IL12RB1: variants seen among roughly 807,000 people sequenced by gnomAD.
The protein encoded by IL12RB1 is interleukin 12 receptor subunit beta 1.
A neutral mutation model predicts 94.4 loss-of-function variants in IL12RB1; 64 were observed. That is an observed-to-expected ratio of 0.68 (90% CI 0.55 to 0.83). IL12RB1 has a LOEUF of 0.83. Ranked by LOEUF, IL12RB1 falls within the 40% of genes least tolerant of loss-of-function variation. The pLI is 0.00. For synonymous variants in IL12RB1, 362 were observed against 355.5 expected, an observed-to-expected ratio of 1.02 and a Z score of -0.21; for missense variants, 814 against 855.6, an observed-to-expected ratio of 0.95 and a Z score of 0.61.
upstream of IL12RB1, among the ~76,000 whole-genome samples, chr19:18,088,444 T>C (rs1314333765): frequency 6.9e-6 from 1 of 145,628 alleles, no homozygotes; most frequent in Non-Finnish European, 1.5e-5. Flanking sequence ...CACATCTGTA[T>C]TCTCAGCTAC....
chr19:18,097,845 G>C, intron 1 of IL12RB1: 1 of 1,228,508 alleles, frequency 8.1e-7, no homozygotes, highest in East Asian at 3.2e-5. Flanking sequence ...AGGCCCCTGC[G>C]CGGGCGGGCG....
rs755826534 is a variant in IL12RB1, at chr19:18,062,227, G to A, written c.1669C>T (p.Leu557=). Residue 557 remains leucine, a synonymous_variant, in exon 14 of 17, where the codon CTG becomes TTG. Transcript: ENST00000593993. ...AGGACGCCCACGAGAAGGATGCTCA[G>A]GAAGCTCCCCAGGGAGGCGAAGAAG... The part of the protein sequence containing the change: ...LIFFASLGSF[L]SILLVGVLGY... 11 of 1,613,554 alleles carry A rather than the reference G, an allele frequency of 6.8e-6. No individual in the cohort carries two copies. Among genetic ancestry groups the A allele is most frequent in the Non-Finnish European group, 9.3e-6 (11 of 1,179,648 alleles).
chr19:18,060,011 G>C lies in IL12RB1; in HGVS notation c.1866C>G (p.Ser622=), dbSNP rs766616130. 4 of 1,603,554 alleles carry C rather than the reference G, an allele frequency of 2.5e-6. No homozygotes were observed. The highest frequency in any genetic ancestry group is 3.3e-4 in the Middle Eastern group (2 of 6,064). The change falls in exon 16 of 17, where the codon TCC becomes TCG. Residue 622 remains serine (S), a synonymous_variant. Coordinates refer to ENST00000593993, the MANE Select transcript of IL12RB1 (RefSeq NM_005535.3). ...SLQEALVVEM[S]WDKGERTEPL... ...GCTCAGTCCTCTCGCCTTTGTCCCA[G>C]GACATCTCTACCACCAGGGCCTCCT...
intron 1 of IL12RB1, among the ~76,000 whole-genome samples, chr19:18,094,619 G>A (rs1010711728): frequency 2.6e-5 from 4 of 152,118 alleles, no homozygotes; most frequent in African/African-American, 7.2e-5. Flanking sequence ...ATCCCAGCAC[G>A]TTGGGAAGCC....
Position 18,080,815 on chromosome 19 carries a change from G to C in IL12RB1, c.409+17C>G, listed in dbSNP as rs763961268. ...TCTCTGGGTAAAAAACGGACGGGGG[G>C]AGAACAAGGTGCTAACCTGAGTTGT... On this transcript the variant is annotated intron_variant, in intron 4 of 16. Transcript: ENST00000593993. The C allele has an allele frequency of 6.4e-7, 1 of 1,568,402 alleles. No individual in the cohort carries two copies.
In IL12RB1 at chr19:18,075,867, C is replaced by G; in HGVS notation, c.582G>C (p.Glu194Asp). Residue 194 changes from glutamate to aspartate, a missense_variant and splice_region_variant, in exon 7 of 17, where the codon GAG becomes GAC. Transcript: ENST00000593993. The stretch of plus-strand genomic sequence containing the variant: ...TCATCTCCAGGGGGCAGAGGCAGGA[C>G]TCTGGGGAGAGGCAGGTCGAACATC... ...GDCGPQDDDT[E>D]SCLCPLEMNV... The G allele has an allele frequency of 1.9e-6, 3 of 1,613,576 alleles. No homozygotes were observed. Among genetic ancestry groups the G allele is most frequent in the Non-Finnish European group, 2.5e-6 (3 of 1,179,536 alleles).
chr19:18,082,625 T>C (rs1207702834), intron 2 of IL12RB1, among the ~76,000 whole-genome samples: 1 of 152,214 alleles, frequency 6.6e-6, no homozygotes. Flanking sequence ...CACTAGGCTG[T>C]GGTCTTGGGA....
intron 1 of IL12RB1, among the ~76,000 whole-genome samples, chr19:18,085,867 C>T (rs1445088495): frequency 3.3e-5 from 5 of 151,980 alleles, no homozygotes; most frequent in Admixed American, 3.3e-4. Context: ...TCTTGGCCTC[C>T]CATAGTGCTG....
chr19:18,076,173 A>G (rs1055033868), intron 6 of IL12RB1, 124 bp downstream of exon 6: 8 of 734,574 alleles, frequency 1.1e-5, no homozygotes, highest in Non-Finnish European at 1.8e-5. Flanking sequence ...AGAATCCAAT[A>G]CTGAACTATG....
At chr19:18,075,948 T>C (rs2035442798) in intron 6 of IL12RB1, 80 bp from the exon 7 acceptor site, 4 of 1,378,418 alleles carry the variant, frequency 2.9e-6, no homozygotes. Context: ...CATGTGCTTA[T>C]TGAGCTCCAA....
rs776936363 is a variant in IL12RB1, at chr19:18,062,275, C to G, written c.1621G>C (p.Val541Leu). 3.3e-5 allele frequency: 53 copies of G among 1,605,464 alleles called. No homozygotes were observed. The highest frequency in any genetic ancestry group is 4.0e-5 in the Non-Finnish European group (47 of 1,173,338). ...WSQPQRFSIEVQVSDWLIFFA... is the reference protein window; with the variant it reads ...WSQPQRFSIELQVSDWLIFFA... ...AAGATGAGCCAATCAGAAACCTGCACTTCTGAGGTGGGAGAGCGTGGGTTG... is the reference window on the plus strand; with the variant it reads ...AAGATGAGCCAATCAGAAACCTGCAGTTCTGAGGTGGGAGAGCGTGGGTTG... The change falls in exon 14 of 17, where the codon GTG (valine) becomes CTG (leucine). Residue 541 changes from valine to leucine, a missense_variant and splice_region_variant. Val to Leu is a conservative substitution (Grantham distance 32). Transcript: ENST00000593993.
chr19:18,085,763 C>G (rs867816676), intron 1 of IL12RB1, among the ~76,000 whole-genome samples: 1 of 152,038 alleles, frequency 6.6e-6, no homozygotes, highest in Non-Finnish European at 1.5e-5. Context: ...TGCCCATCAT[C>G]AAGCCTGGCT....
chr19:18,081,222 A>G (rs2035876745), intron 3 of IL12RB1, among the ~76,000 whole-genome samples: 1 of 151,902 alleles, frequency 6.6e-6, no homozygotes, highest in Non-Finnish European at 1.5e-5. Flanking sequence ...CAGCCTCCCT[A>G]GTAGCTGGGA....
intron 4 of IL12RB1, among the ~76,000 whole-genome samples, chr19:18,078,834 A>G (rs2035671289): frequency 6.6e-6 from 1 of 152,022 alleles, no homozygotes; most frequent in African/African-American, 2.4e-5. Flanking sequence ...TTTTTATATC[A>G]TTGTATAAAT....
upstream of IL12RB1, chr19:18,087,066 C>T (rs1315752747): frequency 1.3e-6 from 1 of 759,262 alleles, no homozygotes; most frequent in Non-Finnish European, 2.1e-6. Flanking sequence ...TGGAGCAAGT[C>T]TGACTTTGGA....
intron 13 of IL12RB1, among the ~76,000 whole-genome samples, chr19:18,063,021 CCCTCTTCTTCTATTCCTCTT>C (rs1368776011): frequency 2.1e-5 from 3 of 143,828 alleles, no homozygotes; most frequent in Non-Finnish European, 4.6e-5. Context: ...TCCTCCTCCT[CCCTCTTCTTCTATTCCTCTT>C]CCTCTTCTTC....
At chr19:18,062,346 G>C (rs2034203574) in intron 13 of IL12RB1, 69 bp from the exon 14 acceptor site, 7 of 966,338 alleles carry the variant, frequency 7.2e-6, no homozygotes, top group Non-Finnish European at 1.1e-5. Context: ...GAGCTAGGAG[G>C]GCCTGGTTTC....
Position 18,075,354 on chromosome 19 carries a change from G to A in IL12RB1, c.700+395C>T, listed in dbSNP as rs150302602. On this transcript the variant is annotated intron_variant, in intron 7 of 16. Coordinates refer to ENST00000593993, the MANE Select transcript of IL12RB1 (RefSeq NM_005535.3). ...TGGATCCCTGCAACCTCCACCTCCC[G>A]GGTTCAAGGGATTCTCCTGCCTCAG... Among the ~76,000 whole-genome samples, 1,051 of 150,738 alleles carry A rather than the reference G, an allele frequency of 7.0e-3. 11 individuals are homozygous for A. The highest frequency in any genetic ancestry group is 0.024 in the African/African-American group (970 of 41,122).
At position 18,080,852 on chromosome 19, in the gene IL12RB1, G is replaced by C. The variant is rs1189853035; in HGVS notation, c.389C>G (p.Thr130Ser). The change falls in exon 4 of 17, where the codon ACC (threonine) becomes AGC (serine). Residue 130 changes from threonine (T) to serine (S), a missense_variant. Transcript: ENST00000593993. ...CTAACCTGAGTTGTAGAGCTGCAGG[G>C]TCACCTCAGGAGACTTCTCTGTCTG... ...RNQTEKSPEV[T>S]LQLYNSVKYE... 2 of 1,609,694 alleles carry C rather than the reference G, an allele frequency of 1.2e-6. No homozygotes were observed. Among genetic ancestry groups the C allele is most frequent in the African/African-American group, 1.3e-5 (1 of 74,838 alleles).
Sources: allele counts gnomAD v4.1 joint callset (sites outside exome capture counted in the v4.1 genomes callset), GRCh38; gene constraint gnomAD v4.1.1; transcripts MANE v1.5; gene names NCBI Gene and HGNC (gene_info 2026-07-23, HGNC 2026-07-21).